Variants in CDK6 observed in about 807,000 individuals in gnomAD.
CDK6 encodes the protein cyclin dependent kinase 6, also known as cyclin-dependent kinase 6.
Under a neutral mutation model 37.1 loss-of-function variants are expected in CDK6, and 6 were observed. The ratio of observed to expected loss-of-function variants is 0.16; its 90% CI spans 0.09 to 0.32. The LOEUF (loss-of-function observed/expected upper bound fraction) is 0.32. CDK6 is among the 10% of genes least tolerant of loss of function. The probability of loss-of-function intolerance (pLI) is 1.00; values close to 1 mark genes in which losing one functional copy is unlikely to be tolerated. For missense variants in CDK6, 224 were observed against 418.9 expected, an observed-to-expected ratio of 0.53 and a Z score of 4.06; for synonymous variants, 160 against 161.3, an observed-to-expected ratio of 0.99 and a Z score of 0.06.
At chr7:92,670,091 A>C (rs1370765885) in intron 5 of CDK6, among the ~76,000 whole-genome samples, 1 of 152,210 alleles carries the variant, frequency 6.6e-6, no homozygotes, top group African/African-American at 2.4e-5. Context: ...CCAGAATAGA[A>C]CTTGCAAGCT....
Position 92,689,511 on chromosome 7 carries a change from G to A in CDK6, c.538-17976C>T, listed in dbSNP as rs139938804. 3.1e-3 allele frequency among the ~76,000 whole-genome samples: 465 copies of A among 152,226 alleles called. 1 individual carries two copies. Among genetic ancestry groups the A allele is most frequent in the African/African-American group, 0.011 (444 of 41,552 alleles). On this transcript the variant is annotated intron_variant, in intron 4 of 7. Coordinates refer to ENST00000424848, the MANE Select transcript of CDK6 (RefSeq NM_001145306.2). ...CAGTCTATCACTGATGGTCATTTGGGTTGATTCCAAATACCCATAAAGAAA... is the reference window on the plus strand; with the variant it reads ...CAGTCTATCACTGATGGTCATTTGGATTGATTCCAAATACCCATAAAGAAA...
intron 5 of CDK6, among the ~76,000 whole-genome samples, chr7:92,640,111 C>A (rs1022664476): frequency 1.3e-5 from 2 of 152,130 alleles, no homozygotes; most frequent in African/African-American, 4.8e-5. Flanking sequence ...GGAAGGGTTG[C>A]CACAGGCACT....
rs1377606483 is a variant in CDK6, at chr7:92,611,992, T to G, written c.*3148A>C. The stretch of plus-strand genomic sequence containing the variant: ...TCAAAGGAGGGACAAAGTGGGAGGC[T>G]CCAACCCACTGGGTTCTTACAAGTG... On this transcript the variant is annotated 3_prime_UTR_variant, in exon 8 of 8. Transcript: ENST00000424848. 1 of 232,860 alleles carries G rather than the reference T, an allele frequency of 4.3e-6. No individual in the cohort carries two copies. Among genetic ancestry groups the G allele is most frequent in the Non-Finnish European group, 8.5e-6 (1 of 117,864 alleles). The allele number at this position is 232,860 out of a possible 1,614,324, so 14.4% of individuals were successfully genotyped here.
chr7:92,807,847 G>C (rs1214914379), intron 2 of CDK6, among the ~76,000 whole-genome samples: 1 of 152,072 alleles, frequency 6.6e-6, no homozygotes, highest in East Asian at 1.9e-4. Context: ...GCAAGCATAG[G>C]CATCATTCAT....
At chr7:92,734,984 T>C (rs1798750511) in intron 3 of CDK6, among the ~76,000 whole-genome samples, 1 of 152,154 alleles carries the variant, frequency 6.6e-6, no homozygotes, top group South Asian at 2.1e-4. Context: ...CAGCTTGGGG[T>C]AGGACTAGCT....
intron 4 of CDK6, among the ~76,000 whole-genome samples, chr7:92,702,860 T>C (rs1024477939): frequency 6.6e-5 from 10 of 152,182 alleles, no homozygotes; most frequent in Admixed American, 6.5e-5. Flanking sequence ...TGGGCACTTT[T>C]GGCATTTGGA....
intron 4 of CDK6, among the ~76,000 whole-genome samples, chr7:92,680,982 C>T (rs17164704): frequency 0.015 from 2,209 of 152,248 alleles, 25 homozygotes; most frequent in Middle Eastern, 0.024. Context: ...AATACATTTA[C>T]AGTGTCATGC....
intron 5 of CDK6, among the ~76,000 whole-genome samples, chr7:92,655,955 A>G (rs1796685980): frequency 6.6e-6 from 1 of 152,240 alleles, no homozygotes; most frequent in South Asian, 2.1e-4. Context: ...TAATACCTGT[A>G]AATTTAATTT....
intron 4 of CDK6, among the ~76,000 whole-genome samples, chr7:92,694,061 C>T (rs1585404944): frequency 6.6e-6 from 1 of 152,256 alleles, no homozygotes; most frequent in East Asian, 1.9e-4. Flanking sequence ...CATCTGTGAA[C>T]ACCACACAGT....
At chr7:92,655,429 T>C (rs1796673450) in intron 5 of CDK6, among the ~76,000 whole-genome samples, 1 of 152,250 alleles carries the variant, frequency 6.6e-6, no homozygotes, top group African/African-American at 2.4e-5. Flanking sequence ...ATCAGGGCTG[T>C]ATGCCACCTA....
intron 5 of CDK6, among the ~76,000 whole-genome samples, chr7:92,640,819 C>G (rs531201496): frequency 2.2e-4 from 33 of 152,268 alleles, no homozygotes; most frequent in Admixed American, 5.9e-4. Context: ...ATTCCACTTC[C>G]GGGAGTTAGT....
chr7:92,623,219 A>G, intron 5 of CDK6, 133 bp from the exon 6 acceptor site: 2 of 640,770 alleles, frequency 3.1e-6, no homozygotes, highest in South Asian at 2.0e-5. Flanking sequence ...AAATTGAGAC[A>G]TTTTTCCTTT....
chr7:92,624,292 T>A (rs1434651904), intron 5 of CDK6, among the ~76,000 whole-genome samples: 1 of 152,134 alleles, frequency 6.6e-6, no homozygotes, highest in Non-Finnish European at 1.5e-5. Flanking sequence ...TTAACTGTAT[T>A]TGGAGATAGA....
At chr7:92,738,371 G>A (rs1337099279) in intron 3 of CDK6, among the ~76,000 whole-genome samples, 1 of 152,162 alleles carries the variant, frequency 6.6e-6, no homozygotes, top group Non-Finnish European at 1.5e-5. Context: ...CCAGCACAGT[G>A]GCTCACGTCT....
At chr7:92,829,489 T>C (rs1231229716) in intron 2 of CDK6, among the ~76,000 whole-genome samples, 1 of 152,190 alleles carries the variant, frequency 6.6e-6, no homozygotes, top group Non-Finnish European at 1.5e-5. Flanking sequence ...GATCATCTTA[T>C]TCCTTCAAAC....
intron 4 of CDK6, among the ~76,000 whole-genome samples, chr7:92,708,372 C>T (rs556667788): frequency 7.2e-5 from 11 of 152,220 alleles, no homozygotes; most frequent in South Asian, 2.1e-4. Context: ...ATGTGACGCC[C>T]GTTTCTTCCC....
At chr7:92,700,075 A>G (rs1797808820) in intron 4 of CDK6, among the ~76,000 whole-genome samples, 1 of 152,178 alleles carries the variant, frequency 6.6e-6, no homozygotes. Context: ...GGTGCAGGAT[A>G]GGGGTATCTA....
chr7:92,616,918 A>C (rs1795694877), intron 7 of CDK6, among the ~76,000 whole-genome samples: 1 of 152,200 alleles, frequency 6.6e-6, no homozygotes, highest in Non-Finnish European at 1.5e-5. Context: ...AAGGTGTTTA[A>C]GTTCTATTAT....
intron 3 of CDK6, among the ~76,000 whole-genome samples, chr7:92,746,478 C>A (rs1799061945): frequency 1.3e-5 from 2 of 152,114 alleles, no homozygotes; most frequent in South Asian, 2.1e-4. Flanking sequence ...GTTTCATGCA[C>A]AGAAGTATAA....
Sources: allele counts gnomAD v4.1 joint callset (sites outside exome capture counted in the v4.1 genomes callset), GRCh38; gene constraint gnomAD v4.1.1; transcripts MANE v1.5; gene names NCBI Gene and HGNC (gene_info 2026-07-23, HGNC 2026-07-21).